The following ROBO1 variants were observed in gnomAD, a reference collection of about 807,000 sequenced individuals.
ROBO1 encodes the protein roundabout guidance receptor 1, also known as roundabout homolog 1.
ROBO1 carries 149 observed loss-of-function variants against 195.9 expected under a neutral mutation model. That is an observed-to-expected ratio of 0.76 (90% CI 0.67 to 0.87). The LOEUF (loss-of-function observed/expected upper bound fraction) is 0.87. ROBO1 is among the 40% of genes least tolerant of loss of function. The pLI is 0.00. For missense variants in ROBO1, 1,933 were observed against 2,068.3 expected, an observed-to-expected ratio of 0.93 and a Z score of 1.27; for synonymous variants, 816 against 733.2, an observed-to-expected ratio of 1.11 and a Z score of -1.82.
At chr3:79,540,967 CT>C (rs1942045258) in intron 2 of ROBO1, among the ~76,000 whole-genome samples, 1 of 151,998 alleles carries the variant, frequency 6.6e-6, no homozygotes, top group East Asian at 1.9e-4. Flanking sequence ...ATTTCTACTA[CT>C]TTTTTTAGAC....
intron 1 of ROBO1, among the ~76,000 whole-genome samples, chr3:79,751,436 C>A (rs548388470): frequency 6.6e-6 from 1 of 152,076 alleles, no homozygotes; most frequent in Admixed American, 6.5e-5. Context: ...TTTAAAAATT[C>A]AATATATCCT....
At chr3:78,727,654 T>C (rs1212068753) in intron 5 of ROBO1, among the ~76,000 whole-genome samples, 2 of 152,202 alleles carry the variant, frequency 1.3e-5, no homozygotes, top group African/African-American at 4.8e-5. Context: ...TATTAAATAA[T>C]TTCATGTTTT....
intron 1 of ROBO1, among the ~76,000 whole-genome samples, chr3:79,626,839 G>A (rs746061029): frequency 1.3e-5 from 2 of 152,080 alleles, no homozygotes; most frequent in African/African-American, 2.4e-5. Flanking sequence ...AAAGTCACAA[G>A]CATTCCTTTA....
At chr3:79,320,646 T>C (rs753911285) in intron 2 of ROBO1, among the ~76,000 whole-genome samples, 2 of 152,160 alleles carry the variant, frequency 1.3e-5, no homozygotes, top group Non-Finnish European at 2.9e-5. Flanking sequence ...GATTTCAACA[T>C]ATGAATGTTG....
intron 2 of ROBO1, among the ~76,000 whole-genome samples, chr3:79,459,564 AT>A (rs1196247357): frequency 1.3e-5 from 2 of 152,180 alleles, no homozygotes; most frequent in Non-Finnish European, 2.9e-5. Flanking sequence ...CTCCGCATGC[AT>A]TTTTTCTCTG....
chr3:79,035,444 G>A (rs1444872129), intron 3 of ROBO1, among the ~76,000 whole-genome samples: 1 of 152,144 alleles, frequency 6.6e-6, no homozygotes, highest in Non-Finnish European at 1.5e-5. Context: ...TGAGAACTGG[G>A]TGAGGTGGCT....
At chr3:79,496,292 T>A (rs983181252) in intron 2 of ROBO1, among the ~76,000 whole-genome samples, 2 of 150,350 alleles carry the variant, frequency 1.3e-5, no homozygotes, top group Non-Finnish European at 3.0e-5. Context: ...ATATAATATG[T>A]AAGTAAAAAC....
At position 79,671,022 on chromosome 3, in the gene ROBO1, T is replaced by C. The variant is rs916556253; in HGVS notation, c.-50-81061A>G. On this transcript the variant is annotated intron_variant, in intron 1 of 30. Coordinates refer to ENST00000464233, the MANE Select transcript of ROBO1 (RefSeq NM_002941.4). ...TGCTTCGTTTTATATCATGGGTAAA[T>C]ACATTGTGAGAAAGTGGAAAAAAAG... Among the ~76,000 whole-genome samples, 4 of 151,946 alleles carry C rather than the reference T, an allele frequency of 2.6e-5. No individual in the cohort carries two copies. In the East Asian group the frequency reaches 7.8e-4, roughly 30 times the overall value.
chr3:79,678,187 C>A (rs1319880806), intron 1 of ROBO1, among the ~76,000 whole-genome samples: 1 of 151,850 alleles, frequency 6.6e-6, no homozygotes, highest in African/African-American at 2.4e-5. Context: ...CTTTTCTAAA[C>A]CTTTAGTTTC....
intron 1 of ROBO1, among the ~76,000 whole-genome samples, chr3:79,750,672 GC>G (rs1306617541): frequency 1.3e-5 from 2 of 152,162 alleles, no homozygotes; most frequent in Non-Finnish European, 2.9e-5. Context: ...AAGCTCTTTG[GC>G]TGCTGCCATC....
intron 28 of ROBO1, among the ~76,000 whole-genome samples, chr3:78,610,109 C>A (rs1034040536): frequency 6.6e-6 from 1 of 152,118 alleles, no homozygotes; most frequent in African/African-American, 2.4e-5. Flanking sequence ...TATAAATAGA[C>A]TCAACAGTTT....
chr3:79,275,028 G>C (rs2030911551), intron 2 of ROBO1, among the ~76,000 whole-genome samples: 1 of 151,980 alleles, frequency 6.6e-6, no homozygotes, highest in African/African-American at 2.4e-5. Context: ...GGACCCAGTA[G>C]ATACGCTGCT....
Position 79,119,506 on chromosome 3 carries a change from G to T in ROBO1, c.172+5950C>A, listed in dbSNP as rs140463615. On this transcript the variant is annotated intron_variant, in intron 3 of 30. Transcript: ENST00000464233. ...TTGGCAAAATTTCTTAATAATTGAG[G>T]TCACCCAAAACAAATCACAAATTTG... Among the ~76,000 whole-genome samples the T allele has an allele frequency of 2.3e-3, 344 of 152,130 alleles. 3 individuals are homozygous for T. Among genetic ancestry groups the T allele is most frequent in the African/African-American group, 7.9e-3 (329 of 41,482 alleles).
intron 4 of ROBO1, among the ~76,000 whole-genome samples, chr3:78,813,699 G>A (rs2084814012): frequency 6.6e-6 from 1 of 152,062 alleles, no homozygotes; most frequent in African/African-American, 2.4e-5. Flanking sequence ...TGACTCTAGA[G>A]TCAATTCTCA....
At chr3:78,807,104 G>A (rs112386985) in intron 4 of ROBO1, among the ~76,000 whole-genome samples, 4,937 of 152,010 alleles carry the variant, frequency 0.032, 192 homozygotes, top group African/African-American at 0.096. Context: ...CACCGTGCCC[G>A]GCCTAAAAAT....
chr3:78,793,895 A>T (rs1290002720), intron 4 of ROBO1, among the ~76,000 whole-genome samples: 6 of 152,168 alleles, frequency 3.9e-5, no homozygotes, highest in African/African-American at 1.4e-4. Flanking sequence ...TTTTCTTCAA[A>T]GAAGCACTGA....
intron 4 of ROBO1, among the ~76,000 whole-genome samples, chr3:78,917,688 C>T (rs965993544): frequency 6.6e-6 from 1 of 152,130 alleles, no homozygotes; most frequent in Non-Finnish European, 1.5e-5. Flanking sequence ...AACCTTTAAG[C>T]GGAACTTGGC....
intron 4 of ROBO1, among the ~76,000 whole-genome samples, chr3:78,930,109 C>T (rs536026247): frequency 4.0e-4 from 61 of 152,248 alleles, no homozygotes; most frequent in African/African-American, 1.4e-3. Flanking sequence ...AAATCCTGTG[C>T]TCTCAAAGTA....
chr3:79,526,043 T>A (rs1941420454), intron 2 of ROBO1, among the ~76,000 whole-genome samples: 1 of 152,306 alleles, frequency 6.6e-6, no homozygotes, highest in Non-Finnish European at 1.5e-5. Context: ...AGAGATAATT[T>A]CCAAAGTACA....
Sources: allele counts gnomAD v4.1 joint callset (sites outside exome capture counted in the v4.1 genomes callset), GRCh38; gene constraint gnomAD v4.1.1; transcripts MANE v1.5; gene names NCBI Gene and HGNC (gene_info 2026-07-23, HGNC 2026-07-21).